The following KARS1 variants were observed in gnomAD, a reference collection of about 807,000 sequenced individuals.
The protein encoded by KARS1 is lysyl-tRNA synthetase 1, also known as lysine--tRNA ligase.
KARS1 carries 50 observed loss-of-function variants against 63.9 expected under a neutral mutation model. The observed-to-expected ratio is 0.78, with a 90% confidence interval of 0.62 to 0.99. The LOEUF is 0.99. KARS1 is among the 50% of genes least tolerant of loss of function. The probability of loss-of-function intolerance (pLI) is 0.00; values close to 1 mark genes in which losing one functional copy is unlikely to be tolerated. For synonymous variants in KARS1, 320 were observed against 264.6 expected (o/e 1.21, Z -2.03); for missense variants, 816 against 754.5 (o/e 1.08, Z -0.95).
intron 1 of KARS1, among the ~76,000 whole-genome samples, chr16:75,642,555 T>C (rs1050420208): frequency 6.6e-6 from 1 of 151,940 alleles, no homozygotes; most frequent in Admixed American, 6.6e-5. Flanking sequence ...TGCTACCCCC[T>C]CTCTCTATCC....
chr16:75,644,282 C>A, intron 1 of KARS1: 1 of 1,596,900 alleles, frequency 6.3e-7, no homozygotes, highest in Non-Finnish European at 8.5e-7. Context: ...TGGGCACCAA[C>A]CTTCTTTGAT....
Position 75,630,506 on chromosome 16 carries a change from A to G in KARS1, c.1341T>C (p.Leu447=). 6.2e-7 allele frequency: 1 copy of G among 1,600,984 alleles called. No homozygotes were observed. Among genetic ancestry groups the G allele is most frequent in the East Asian group, 2.2e-5 (1 of 44,816 alleles). ...PRTTARLLDK[L]VGEFLEVTCI... Reference sequence around the variant, plus strand: ...AAGTCACTTCCAGGAACTCCCCAACAAGCTTAATGAGAAAGCAAAGCAGAG... The same window carrying G: ...AAGTCACTTCCAGGAACTCCCCAACGAGCTTAATGAGAAAGCAAAGCAGAG... The change falls in exon 11 of 14, where the codon CTT becomes CTC. Residue 447 remains leucine, a splice_region_variant and synonymous_variant. Coordinates refer to ENST00000302445, the MANE Select transcript of KARS1 (RefSeq NM_005548.3).
At chr16:75,630,363 A>G (rs2082098226) in intron 11 of KARS1, 60 bp downstream of exon 11, 1 of 1,080,042 alleles carries the variant, frequency 9.3e-7, no homozygotes, top group African/African-American at 1.6e-5. Flanking sequence ...CTTGACAATA[A>G]ATTGTTAACA....
intron 1 of KARS1, among the ~76,000 whole-genome samples, chr16:75,642,185 CTTTTTTTTTTTTTTTTTTTTT>C (rs148991591): frequency 4.1e-4 from 26 of 63,202 alleles, no homozygotes; most frequent in African/African-American, 8.7e-4. Context: ...AGTGCCAGGT[CTTTTTTTTTTTTTTTTTTTTT>C]TTTTTTTTTT....
chr16:75,636,362 C>CT (rs753318292), intron 4 of KARS1, 92 bp downstream of exon 4: 181 of 931,758 alleles, frequency 1.9e-4, no homozygotes, highest in Admixed American at 5.1e-5. Flanking sequence ...CCTTCTTACT[C>CT]TAACTTCAAA....
chr16:75,645,992 G>C (rs942104407), intron 1 of KARS1, among the ~76,000 whole-genome samples: 4 of 152,058 alleles, frequency 2.6e-5, no homozygotes, highest in African/African-American at 9.7e-5. Context: ...TATCATAGGT[G>C]GTTTGAAAGA....
intron 2 of KARS1, 47 bp downstream of exon 2, chr16:75,641,517 C>T: frequency 6.4e-7 from 1 of 1,569,298 alleles, no homozygotes; most frequent in Non-Finnish European, 8.7e-7. Flanking sequence ...GAAGCCTCAT[C>T]AGAAGCTTTC....
intron 2 of KARS1, 95 bp from the exon 3 acceptor site, chr16:75,640,444 G>T: frequency 8.9e-7 from 1 of 1,127,696 alleles, no homozygotes; most frequent in South Asian, 1.3e-5. Context: ...GCCCCCGAGT[G>T]ACCCCAATAC....
Position 75,636,523 on chromosome 16 carries a change from G to T in KARS1, c.413C>A (p.Ser138Tyr), listed in dbSNP as rs1405483938. The change falls in exon 4 of 14, where the codon TCT becomes TAT. Residue 138 changes from serine to tyrosine, a missense_variant. Ser to Tyr is a moderately radical substitution (Grantham distance 144). Coordinates refer to ENST00000302445, the MANE Select transcript of KARS1 (RefSeq NM_005548.3). Reference protein sequence around the residue: ...VAGRIHAKRASGGKLIFYDLR... With the variant: ...VAGRIHAKRAYGGKLIFYDLR... ...ATCATAGAAGATGAGCTTTCCCCCA[G>T]AAGCTCTTTTGGCATGGATCCTACC... The T allele has an allele frequency of 6.2e-7, 1 of 1,612,268 alleles. No individual in the cohort carries two copies. Among genetic ancestry groups the T allele is most frequent in the Admixed American group, 1.7e-5 (1 of 60,016 alleles).
rs184022101 is a variant in KARS1 at position 75,627,964 on chromosome 16, G to A, written c.1725C>T (p.Pro575=). The part of the protein sequence containing the change: ...KEVLLFPAMK[P]EDKKENVATT... ...TTGCTACATTCTCCTTCTTGTCTTCGGGTTTCATGGCAGGAAACAGAAGTA... is the reference window on the plus strand; with the variant it reads ...TTGCTACATTCTCCTTCTTGTCTTCAGGTTTCATGGCAGGAAACAGAAGTA... Residue 575 remains proline (P), a synonymous_variant, in exon 14 of 14, where the codon CCC becomes CCT. Transcript: ENST00000302445. The A allele has an allele frequency of 2.0e-4, 316 of 1,610,052 alleles. 2 individuals are homozygous for A. The East Asian group carries it at 6.4e-3, about 33-fold the overall frequency.
In KARS1 at chr16:75,631,482, T is replaced by C. The variant is rs2082112651; in HGVS notation, c.1186A>G (p.Met396Val). ...DFTPPFRRIN[M>V]VEELEKALGM... Reference sequence around the variant, plus strand: ...AGGGCTTTCTCAAGCTCTTCTACCATGTTGATTCGCCGGAAGGGTGGGGTG... The same window carrying C: ...AGGGCTTTCTCAAGCTCTTCTACCACGTTGATTCGCCGGAAGGGTGGGGTG... The change falls in exon 9 of 14, where the codon ATG (methionine) becomes GTG (valine). Residue 396 changes from methionine (M) to valine (V), a missense_variant. Transcript: ENST00000302445. 3 of 1,614,200 alleles carry C rather than the reference T, an allele frequency of 1.9e-6. No homozygotes were observed. Among genetic ancestry groups the C allele is most frequent in the South Asian group, 1.1e-5 (1 of 91,086 alleles).
Position 75,636,095 on chromosome 16 carries a change from A to G in KARS1, c.486T>C (p.Asn162=). The change falls in exon 5 of 14, where the codon AAT becomes AAC. Residue 162 remains asparagine, a synonymous_variant. Transcript: ENST00000302445. ...VKLQVMANSR[N]YKSEEEFIHI... ...GAATAAATTCTTCTTCTGATTTATA[A>G]TTTCTGAGTGAAAAAGAAATGTAAT... The G allele has an allele frequency of 1.3e-6, 2 of 1,554,066 alleles. No homozygotes were observed. Among genetic ancestry groups the G allele is most frequent in the Non-Finnish European group, 1.8e-6 (2 of 1,126,330 alleles).
chr16:75,635,580 G>C (rs1281085207), intron 6 of KARS1, 100 bp downstream of exon 6: 1 of 1,302,290 alleles, frequency 7.7e-7, no homozygotes, highest in Non-Finnish European at 1.1e-6. Flanking sequence ...AGGCATGAAG[G>C]ATCCTGACAC....
At chr16:75,638,807 C>A (rs2082192235) in intron 3 of KARS1, among the ~76,000 whole-genome samples, 1 of 151,826 alleles carries the variant, frequency 6.6e-6, no homozygotes, top group African/African-American at 2.4e-5. Flanking sequence ...TCAAGATGAT[C>A]CAGTATGCAG....
intron 10 of KARS1, 37 bp downstream of exon 10, chr16:75,631,131 A>C: frequency 6.5e-7 from 1 of 1,534,742 alleles, no homozygotes; most frequent in Non-Finnish European, 9.0e-7. Context: ...ATTCAGCACC[A>C]GATGAGGACA....
rs374546258 is a variant in KARS1, at chr16:75,634,309, G to A, written c.796-17C>T. The A allele has an allele frequency of 1.1e-5, 17 of 1,613,376 alleles. No individual in the cohort carries two copies. The African/African-American group carries it at 2.0e-4, about 19-fold the overall frequency. Reference sequence around the variant, plus strand: ...AGTTTCAATCTAAAAAAGGCAGGGAGAAACATCAGTCCTTAGATAACCAGA... The same window carrying A: ...AGTTTCAATCTAAAAAAGGCAGGGAAAAACATCAGTCCTTAGATAACCAGA... On this transcript the variant is annotated splice_polypyrimidine_tract_variant and intron_variant, in intron 6 of 13. Coordinates refer to ENST00000302445, the MANE Select transcript of KARS1 (RefSeq NM_005548.3).
In KARS1 at chr16:75,631,483, G is replaced by A. The variant is rs1257121844; in HGVS notation, c.1185C>T (p.Asn395=). The A allele has an allele frequency of 6.2e-7, 1 of 1,614,156 alleles. No homozygotes were observed. The highest frequency in any genetic ancestry group is 1.7e-5 in the Admixed American group (1 of 60,036). The change falls in exon 9 of 14, where the codon AAC becomes AAT. Residue 395 remains asparagine, a synonymous_variant. Transcript: ENST00000302445. ...VDFTPPFRRI[N]MVEELEKALG... is the part of the protein sequence containing the mutation. ...GGGCTTTCTCAAGCTCTTCTACCATGTTGATTCGCCGGAAGGGTGGGGTGA... is the reference window on the plus strand; with the variant it reads ...GGGCTTTCTCAAGCTCTTCTACCATATTGATTCGCCGGAAGGGTGGGGTGA...
intron 6 of KARS1, chr16:75,635,410 G>T: frequency 2.6e-6 from 1 of 387,478 alleles, no homozygotes; most frequent in Non-Finnish European, 4.8e-6. Flanking sequence ...ATTTCTTAAT[G>T]CTACAAAAAA....
intron 1 of KARS1, among the ~76,000 whole-genome samples, chr16:75,646,463 C>A (rs1308406478): frequency 6.6e-6 from 1 of 151,928 alleles, no homozygotes; most frequent in Non-Finnish European, 1.5e-5. Flanking sequence ...ATCGCTTGAA[C>A]CCTGGCAGCG....
Sources: allele counts gnomAD v4.1 joint callset (sites outside exome capture counted in the v4.1 genomes callset), GRCh38; gene constraint gnomAD v4.1.1; transcripts MANE v1.5; gene names NCBI Gene and HGNC (gene_info 2026-07-23, HGNC 2026-07-21).